The following SRCAP variants were observed in gnomAD, a reference collection of about 807,000 sequenced individuals.
SRCAP encodes Snf2 related CREBBP activator protein.
SRCAP carries 46 observed loss-of-function variants against 263.1 expected under a neutral mutation model. That is an observed-to-expected ratio of 0.17 (90% CI 0.14 to 0.22). The LOEUF is 0.22. Ranked by LOEUF, SRCAP falls within the 10% of genes least tolerant of loss-of-function variation. The pLI is 1.00. For missense variants in SRCAP, 3,695 were observed against 4,181.9 expected (o/e 0.88, Z 3.21); for synonymous variants, 1,813 against 1,662.1 (o/e 1.09, Z -2.21).
intron 27 of SRCAP, among the ~76,000 whole-genome samples, chr16:30,732,056 G>A (rs763280557): frequency 6.6e-6 from 1 of 151,978 alleles, no homozygotes; most frequent in Non-Finnish European, 1.5e-5. Flanking sequence ...GAGGTGGGAG[G>A]ATGGCTTGAG....
rs201101556 is a variant in SRCAP at position 30,724,954 on chromosome 16, T to C, written c.5530T>C (p.Ser1844Pro). The C allele has an allele frequency of 5.5e-5, 89 of 1,614,186 alleles. 1 individual carries two copies. The East Asian group carries it at 1.9e-3, about 34-fold the overall frequency. ...CACCATGGTATCCCGGCTGCCTGTT[T>C]CCAAGGATGAGCCTGACACACTGAC... The part of the protein sequence containing the change: ...PVTMVSRLPV[S>P]KDEPDTLTLR... Residue 1844 changes from serine (S) to proline (P), a missense_variant, in exon 25 of 34, where the codon TCC (serine) becomes CCC (proline). Physicochemically the swap from Ser to Pro is moderately conservative, Grantham distance 74 (BLOSUM62 -1). This residue lies in a region of SRCAP where 1,347 missense variants were observed against 1,304.4 expected (regional missense o/e 1.03). Coordinates refer to ENST00000262518, the MANE Select transcript of SRCAP (RefSeq NM_006662.3).
chr16:30,709,855 G>A lies in SRCAP; in HGVS notation c.861G>A (p.Gly287=), dbSNP rs1596645552. ...PPASRLDDED[G]DFQPQEDEEE... ...GACCTTGTTCTCCTGCTATAGATGG[G>A]GACTTTCAACCCCAAGAGGATGAGG... Residue 287 remains glycine, a synonymous_variant, in exon 8 of 34, where the codon GGG becomes GGA. Transcript: ENST00000262518. 1 of 1,614,042 alleles carries A rather than the reference G, an allele frequency of 6.2e-7. No individual in the cohort carries two copies. The highest frequency in any genetic ancestry group is 8.5e-7 in the Non-Finnish European group (1 of 1,179,958).
rs1253871825 is a variant in SRCAP, at chr16:30,700,752, C to A, written c.-73C>A. ...ATGCCCTGCAGCCGGACGCCAGCCCCTCGGCCAGCAGTACTGGTGATAACA... is the reference window on the plus strand; with the variant it reads ...ATGCCCTGCAGCCGGACGCCAGCCCATCGGCCAGCAGTACTGGTGATAACA... On this transcript the variant is annotated 5_prime_UTR_variant, in exon 3 of 34. Transcript: ENST00000262518. 2.7e-6 allele frequency: 4 copies of A among 1,456,704 alleles called. No individual in the cohort carries two copies. Among genetic ancestry groups the A allele is most frequent in the Non-Finnish European group, 3.8e-6 (4 of 1,047,248 alleles). The allele number at this position is 1,456,704 out of a possible 1,614,324, so 90.2% of individuals were successfully genotyped here.
Position 30,738,169 on chromosome 16 carries a change from C to T in SRCAP, c.8129C>T (p.Ser2710Leu), listed in dbSNP as rs766023031. ...TCCACCTCATCTTCAGCCACTTCCT[C>T]GCCTGAGGGTCCTTCACCTGCCCGA... ...APSTSSSATS[S>L]PEGPSPARPP... Residue 2710 changes from serine to leucine, a missense_variant, in exon 34 of 34, where the codon TCG (serine) becomes TTG (leucine). Physicochemically the swap from Ser to Leu is moderately radical, Grantham distance 145. This residue lies in a region of SRCAP where 1,207 missense variants were observed against 1,142.9 expected (regional missense o/e 1.06). Coordinates refer to ENST00000262518, the MANE Select transcript of SRCAP (RefSeq NM_006662.3). 3.7e-6 allele frequency: 6 copies of T among 1,614,168 alleles called. No homozygotes were observed. The highest frequency in any genetic ancestry group is 1.7e-5 in the Admixed American group (1 of 60,030).
chr16:30,707,436 G>T, intron 5 of SRCAP, 68 bp downstream of exon 5: 29 of 1,601,840 alleles, frequency 1.8e-5, no homozygotes, highest in Non-Finnish European at 2.5e-5. Flanking sequence ...TTGTTGGAAG[G>T]GGACCAGACA....
intron 27 of SRCAP, among the ~76,000 whole-genome samples, chr16:30,731,594 G>T (rs2053115160): frequency 6.6e-6 from 1 of 152,216 alleles, no homozygotes; most frequent in African/African-American, 2.4e-5. Context: ...GGCCGGGTGT[G>T]GTGACTCATA....
intron 33 of SRCAP, 59 bp downstream of exon 33, chr16:30,736,683 T>TC: frequency 6.3e-7 from 1 of 1,575,276 alleles, no homozygotes; most frequent in Non-Finnish European, 8.7e-7. Context: ...TTTTCTTTTC[T>TC]CTTTTTTTTG....
At position 30,740,075 on chromosome 16, in the gene SRCAP, C is replaced by CTTT; in HGVS notation, c.*356_*358dup. ...GGCTTCTCTACAATGAGGTTTTTTT[C>CTTT]TTTTTTTTTTTTTTTTAAGAAGAAA... is the stretch of plus-strand genomic sequence containing the variant. On this transcript the variant is annotated 3_prime_UTR_variant, in exon 34 of 34. Transcript: ENST00000262518. 6.8e-6 allele frequency: 1 copy of CTTT among 147,350 alleles called. No homozygotes were observed. The highest frequency in any genetic ancestry group is 1.5e-5 in the Non-Finnish European group (1 of 68,904). The allele number at this position is 147,350 out of a possible 1,614,324, so 9.1% of individuals were successfully genotyped here.
chr16:30,719,414 A>G (rs1017146237), intron 18 of SRCAP, among the ~76,000 whole-genome samples: 1 of 150,724 alleles, frequency 6.6e-6, no homozygotes, highest in African/African-American at 2.4e-5. Context: ...ATGGGGTTTC[A>G]CCATCTTGGC....
chr16:30,738,038 G>A lies in SRCAP; in HGVS notation c.7998G>A (p.Glu2666=), dbSNP rs749637110. The A allele has an allele frequency of 6.2e-7, 1 of 1,614,152 alleles. No homozygotes were observed. The highest frequency in any genetic ancestry group is 8.5e-7 in the Non-Finnish European group (1 of 1,180,026). The change falls in exon 34 of 34, where the codon GAG becomes GAA. Residue 2666 remains glutamate (E), a synonymous_variant. Coordinates refer to ENST00000262518, the MANE Select transcript of SRCAP (RefSeq NM_006662.3). ...CAGCATCTGATGAGCCACTTCAGGA[G>A]CCACTGGAGGCTGACAGGACCTCGG... ...PSAASDEPLQ[E]PLEADRTSEE...
chr16:30,711,175 G>C, intron 10 of SRCAP, 87 bp downstream of exon 10: 1 of 994,654 alleles, frequency 1.0e-6, no homozygotes, highest in Non-Finnish European at 1.6e-6. Flanking sequence ...AAGGCACTTT[G>C]TATCCACCCT....
rs147068687 is a variant in SRCAP, at chr16:30,738,951, C to T, written c.8911C>T (p.His2971Tyr). Reference protein sequence around the residue: ...NSESRTQPPPHPSPLTPLPPL... With the variant: ...NSESRTQPPPYPSPLTPLPPL... ...CGAAAGTCGGACACAGCCACCCCCA[C>T]ACCCATCACCCCTAACCCCACTCCC... Residue 2971 changes from histidine (H) to tyrosine (Y), a missense_variant, in exon 34 of 34, where the codon CAC becomes TAC. His to Tyr is a moderately conservative substitution (Grantham distance 83). Transcript: ENST00000262518. The T allele has an allele frequency of 5.4e-5, 87 of 1,613,778 alleles. No individual in the cohort carries two copies. The African/African-American group carries it at 8.1e-4, about 15-fold the overall frequency.
Position 30,711,915 on chromosome 16 carries a change from G to A in SRCAP, c.1573G>A (p.Glu525Lys). The stretch of plus-strand genomic sequence containing the variant: ...AACAAGTGGAAGTTCAGCATCAGAG[G>A]AATCTGAGTCTGAAGAGTCTGAGGA... ...EETSGSSASEESESEESEDAQ... is the reference protein window; with the variant it reads ...EETSGSSASEKSESEESEDAQ... Residue 525 changes from glutamate to lysine, a missense_variant, in exon 12 of 34, where the codon GAA (glutamate) becomes AAA (lysine). This residue lies in a region of SRCAP where 288 missense variants were observed against 302.4 expected (regional missense o/e 0.95). Transcript: ENST00000262518. 9 of 1,613,848 alleles carry A rather than the reference G, an allele frequency of 5.6e-6. No homozygotes were observed. The highest frequency in any genetic ancestry group is 6.8e-6 in the Non-Finnish European group (8 of 1,179,988).
chr16:30,732,878 G>A (rs1478240188), intron 27 of SRCAP, among the ~76,000 whole-genome samples: 2 of 152,196 alleles, frequency 1.3e-5, no homozygotes, highest in Admixed American at 6.5e-5. Flanking sequence ...TGTTGCCCAG[G>A]CTGAAGTGCA....
chr16:30,722,016 AGTT>A (rs893589319), intron 21 of SRCAP, 103 bp from the exon 22 acceptor site: 10 of 1,380,394 alleles, frequency 7.2e-6, no homozygotes, highest in African/African-American at 1.4e-5. Context: ...GGAAGGGCTT[AGTT>A]GTTTGAACTG....
chr16:30,706,647 A>C (rs894453274), intron 4 of SRCAP, among the ~76,000 whole-genome samples: 5 of 152,224 alleles, frequency 3.3e-5, no homozygotes, highest in Admixed American at 6.5e-5. Flanking sequence ...GCATTTTTAC[A>C]AAAGTAGTAT....
rs1419842553 is a variant in SRCAP at position 30,738,364 on chromosome 16, G to A, written c.8324G>A (p.Ser2775Asn). ...RRRRQQRGAA[S>N]TLVPGVSETS... Reference sequence around the variant, plus strand: ...CGGCGGCAGCAGCGGGGAGCTGCCAGCACCCTAGTGCCTGGGGTCTCTGAG... The same window carrying A: ...CGGCGGCAGCAGCGGGGAGCTGCCAACACCCTAGTGCCTGGGGTCTCTGAG... Residue 2775 changes from serine (S) to asparagine (N), a missense_variant, in exon 34 of 34, where the codon AGC becomes AAC. Ser to Asn is a conservative substitution (Grantham distance 46). Around this residue, in one of 12 missense-constraint regions of SRCAP, gnomAD observed 1,207 missense variants for 1,142.9 expected, o/e 1.06. Transcript: ENST00000262518. The A allele has an allele frequency of 1.9e-6, 3 of 1,561,922 alleles. No individual in the cohort carries two copies. The highest frequency in any genetic ancestry group is 2.6e-6 in the Non-Finnish European group (3 of 1,154,382).
At position 30,720,749 on chromosome 16, in the gene SRCAP, AGT is replaced by A; in HGVS notation, c.3026_3027del (p.Val1009GlyfsTer22). On this transcript the variant is annotated frameshift_variant, in exon 20 of 34. Coordinates refer to ENST00000262518, the MANE Select transcript of SRCAP (RefSeq NM_006662.3). LOFTEE classifies it high-confidence loss of function. Reference sequence around the variant, plus strand: ...CAGTACCTAAGCAAGAAGGCCGGACAGTGGTGGTGGTGAACAACCCACGGGCG... The same window carrying A: ...CAGTACCTAAGCAAGAAGGCCGGACAGGTGGTGGTGAACAACCCACGGGCG... Reference protein sequence around the residue: ...QPVPKQEGRTVVVVNNPRAPL... With the variant: ...QPVPKQEGRTXVVVNNPRAPL... The A allele has an allele frequency of 6.2e-7, 1 of 1,612,398 alleles. No individual in the cohort carries two copies. The highest frequency in any genetic ancestry group is 8.5e-7 in the Non-Finnish European group (1 of 1,179,104).
intron 25 of SRCAP, among the ~76,000 whole-genome samples, chr16:30,728,034 T>G (rs1042603780): frequency 2.0e-5 from 3 of 152,184 alleles, no homozygotes; most frequent in Non-Finnish European, 4.4e-5. Flanking sequence ...GAACTAGCTC[T>G]TTGAGTTTAT....
Sources: gnomAD v4.1 joint callset for allele counts (sites outside exome capture counted in the v4.1 genomes callset) on GRCh38, gnomAD v4.1.1 for gene constraint, gnomAD v4.1.1 regional missense constraint, MANE v1.5 for transcripts, NCBI Gene and HGNC (gene_info 2026-07-23, HGNC 2026-07-21) for gene names.